ITM2B: variants seen among roughly 807,000 people sequenced by gnomAD.
ITM2B encodes the protein ABri/ADan amyloid peptide.
ITM2B carries 11 observed loss-of-function variants against 27.8 expected under a neutral mutation model. That is an observed-to-expected ratio of 0.40 (90% CI 0.25 to 0.66). ITM2B has a LOEUF of 0.66. ITM2B is among the 30% of genes least tolerant of loss of function. The probability of loss-of-function intolerance (pLI) is 0.43; values close to 1 mark genes in which losing one functional copy is unlikely to be tolerated. For missense variants in ITM2B, 296 were observed against 328.9 expected, an observed-to-expected ratio of 0.90 and a Z score of 0.77; for synonymous variants, 114 against 114.3, an observed-to-expected ratio of 1.00 and a Z score of 0.02.
intron 5 of ITM2B, among the ~76,000 whole-genome samples, chr13:48,260,320 T>C (rs1951814461): frequency 6.6e-6 from 1 of 152,212 alleles, no homozygotes; most frequent in African/African-American, 2.4e-5. Flanking sequence ...TGTGCATGTG[T>C]CTTTATAGCA....
intron 1 of ITM2B, among the ~76,000 whole-genome samples, chr13:48,233,964 TAAGCGTCTTAATTTTAA>T (rs947316245): frequency 3.3e-5 from 5 of 152,208 alleles, no homozygotes; most frequent in African/African-American, 1.2e-4. Context: ...CCAGCAACTG[TAAGCGTCTTAATTTTAA>T]AAGCGTTTCT....
intron 1 of ITM2B, among the ~76,000 whole-genome samples, chr13:48,252,576 G>GTC (rs1951761527): frequency 6.6e-6 from 1 of 152,222 alleles, no homozygotes; most frequent in African/African-American, 2.4e-5. Context: ...CAGTCTGTCT[G>GTC]TGGAAAAATT....
chr13:48,241,218 G>A (rs551569608), intron 1 of ITM2B, among the ~76,000 whole-genome samples: 20 of 152,252 alleles, frequency 1.3e-4, no homozygotes, highest in South Asian at 6.2e-4. Flanking sequence ...CCAGTAGGGC[G>A]TGGTGCGGCG....
chr13:48,259,003 G>GATTTAGGTGAAGCCTAGTCATTGTTACCA, intron 5 of ITM2B, 56 bp downstream of exon 5: 1 of 1,349,366 alleles, frequency 7.4e-7, no homozygotes, highest in Non-Finnish European at 1.0e-6. Context: ...CATTAAACTA[G>GATTTAGGTGAAGCCTAGTCATTGTTACCA]ATTTAGGTGA....
chr13:48,242,430 T>G (rs1388088619), intron 1 of ITM2B, among the ~76,000 whole-genome samples: 5 of 152,064 alleles, frequency 3.3e-5, no homozygotes, highest in African/African-American at 1.2e-4. Flanking sequence ...GATGATTTCT[T>G]GCCCATCATT....
chr13:48,241,473 A>G (rs1000211186), intron 1 of ITM2B, among the ~76,000 whole-genome samples: 6 of 152,062 alleles, frequency 3.9e-5, no homozygotes, highest in African/African-American at 1.4e-4. Flanking sequence ...CGGCCTCTCA[A>G]AGTGCTGGGA....
intron 5 of ITM2B, among the ~76,000 whole-genome samples, chr13:48,259,773 T>G (rs1483556694): frequency 6.6e-6 from 1 of 151,866 alleles, no homozygotes; most frequent in Non-Finnish European, 1.5e-5. Flanking sequence ...GTATATTATC[T>G]GATGTGAGGT....
intron 5 of ITM2B, 71 bp from the exon 6 acceptor site, chr13:48,261,065 TAAC>T (rs1318077680): frequency 2.1e-6 from 2 of 970,360 alleles, no homozygotes; most frequent in African/African-American, 3.3e-5. Context: ...GTCTAAATAA[TAAC>T]TATAAAAATG....
Position 48,258,216 on chromosome 13 carries a change from G to T in ITM2B, c.544G>T (p.Glu182Ter). Residue 182 changes from glutamate to a stop codon, truncating the protein, a stop_gained, in exon 4 of 6, where the codon GAG becomes TAG. Transcript: ENST00000647800. LOFTEE classifies it high-confidence loss of function. ...TGTTATGCCACCCAGAAACCTACTG[G>T]AGTTACTTATTAACATCAAGGTATA... ...SIVMPPRNLLELLINIKAGTY... is the reference protein window; with the variant it reads ...SIVMPPRNLL The T allele has an allele frequency of 6.5e-7, 1 of 1,547,496 alleles. No individual in the cohort carries two copies. The highest frequency in any genetic ancestry group is 8.9e-7 in the Non-Finnish European group (1 of 1,119,622).
In ITM2B at chr13:48,256,422, T is replaced by C. The variant is rs1479919520; in HGVS notation, c.453+39T>C. ...CCAGAATTGTAGAAAGAATGCAGGT[T>C]CTGTAGTTTATGCTTTTTGTAGTTT... On this transcript the variant is annotated intron_variant, in intron 3 of 5. Coordinates refer to ENST00000647800, the MANE Select transcript of ITM2B (RefSeq NM_021999.5). The C allele has an allele frequency of 2.1e-6, 3 of 1,423,012 alleles. No homozygotes were observed. The South Asian group carries it at 3.4e-5, about 16-fold the overall frequency. The allele number at this position is 1,423,012 out of a possible 1,614,324, so 88.1% of individuals were successfully genotyped here.
chr13:48,250,449 T>C (rs1014860739), intron 1 of ITM2B, among the ~76,000 whole-genome samples: 1 of 151,994 alleles, frequency 6.6e-6, no homozygotes, highest in African/African-American at 2.4e-5. Flanking sequence ...AAACCCTGTC[T>C]CTACTAAAAA....
At chr13:48,260,198 A>G (rs1345256251) in intron 5 of ITM2B, among the ~76,000 whole-genome samples, 1 of 152,200 alleles carries the variant, frequency 6.6e-6, no homozygotes, top group Non-Finnish European at 1.5e-5. Context: ...TTATGGCTGC[A>G]TAAAATTCCA....
In ITM2B at chr13:48,258,020, A is replaced by T; in HGVS notation, c.454-106A>T. 1.0e-5 allele frequency: 7 copies of T among 698,420 alleles called. No homozygotes were observed. The South Asian group carries it at 1.0e-4, about 10-fold the overall frequency. 43.3% of individuals were successfully genotyped at this position (698,420 alleles called of 1,614,324 possible). ...TTGTTGAAATGCAAGTGATTTATAC[A>T]TTCTAAAGCCAATTCATTTTAATGA... On this transcript the variant is annotated intron_variant, in intron 3 of 5. Coordinates refer to ENST00000647800, the MANE Select transcript of ITM2B (RefSeq NM_021999.5).
chr13:48,234,633 T>G (rs773452983), intron 1 of ITM2B, among the ~76,000 whole-genome samples: 8 of 152,128 alleles, frequency 5.3e-5, no homozygotes, highest in Non-Finnish European at 8.8e-5. Flanking sequence ...AATCTAGACA[T>G]CATATTATAA....
At chr13:48,247,411 G>A (rs1951730888) in intron 1 of ITM2B, among the ~76,000 whole-genome samples, 1 of 151,966 alleles carries the variant, frequency 6.6e-6, no homozygotes, top group Admixed American at 6.6e-5. Context: ...TTAGTATCCT[G>A]ATTCCTAAAG....
At chr13:48,241,487 C>T (rs920939261) in intron 1 of ITM2B, among the ~76,000 whole-genome samples, 1 of 152,200 alleles carries the variant, frequency 6.6e-6, no homozygotes, top group African/African-American at 2.4e-5. Context: ...GCTGGGATTA[C>T]AGGCTGAGCC....
intron 1 of ITM2B, among the ~76,000 whole-genome samples, chr13:48,248,336 A>G (rs1028164680): frequency 1.3e-5 from 2 of 151,696 alleles, no homozygotes; most frequent in African/African-American, 4.8e-5. Context: ...GGATCTTGCT[A>G]TGTTGCCCAG....
In ITM2B at chr13:48,265,777, C is replaced by T. The variant is rs546551612; in HGVS notation, c.*4553C>T. ...ACCCTTCAGTTAGCTTCCACTCAACCTTCAGAATTTAGTTCAGGTGACCCT... is the reference window on the plus strand; with the variant it reads ...ACCCTTCAGTTAGCTTCCACTCAACTTTCAGAATTTAGTTCAGGTGACCCT... On this transcript the variant is annotated 3_prime_UTR_variant, in exon 6 of 6. Transcript: ENST00000647800. 1.3e-5 allele frequency: 2 copies of T among 152,260 alleles called. No homozygotes were observed. The highest frequency in any genetic ancestry group is 2.9e-5 in the Non-Finnish European group (2 of 68,032). 9.4% of individuals were successfully genotyped at this position (152,260 alleles called of 1,614,324 possible). A position where few individuals can be genotyped will look rare whatever the true frequency, so the allele number is the denominator to read the frequency against.
Position 48,253,837 on chromosome 13 carries a change from A to G in ITM2B, c.147A>G (p.Gln49=). 1 of 1,614,030 alleles carries G rather than the reference A, an allele frequency of 6.2e-7. No homozygotes were observed. Among genetic ancestry groups the G allele is most frequent in the Non-Finnish European group, 8.5e-7 (1 of 1,179,894 alleles). ...KDPDDVVPVG[Q]RRAWCWCMCF... ...CAGATGATGTGGTACCAGTTGGCCA[A>G]AGAAGAGCCTGGTGTTGGTGCATGT... is the stretch of plus-strand genomic sequence containing the variant. Residue 49 remains glutamine (Q), a synonymous_variant, in exon 2 of 6, where the codon CAA becomes CAG. Transcript: ENST00000647800.
Sources: gnomAD v4.1 joint callset for allele counts (sites outside exome capture counted in the v4.1 genomes callset) on GRCh38, gnomAD v4.1.1 for gene constraint, MANE v1.5 for transcripts, NCBI Gene and HGNC (gene_info 2026-07-23, HGNC 2026-07-21) for gene names.